The following RABGAP1L variants were observed in gnomAD, a reference collection of about 807,000 sequenced individuals.
The protein encoded by RABGAP1L is RAB GTPase activating protein 1 like, also known as rab GTPase-activating protein 1-like.
A neutral mutation model predicts 137.7 loss-of-function variants in RABGAP1L; 63 were observed. That is an observed-to-expected ratio of 0.46 (90% confidence interval 0.37 to 0.56). The LOEUF is 0.56. RABGAP1L is among the 20% of genes least tolerant of loss of function. The pLI is 0.00. For missense variants in RABGAP1L, 1,095 were observed against 1,244.0 expected, an observed-to-expected ratio of 0.88 and a Z score of 1.80; for synonymous variants, 431 against 433.7, an observed-to-expected ratio of 0.99 and a Z score of 0.08.
chr1:174,973,805 G>GT (rs1445290569), intron 21 of RABGAP1L, among the ~76,000 whole-genome samples: 2 of 152,062 alleles, frequency 1.3e-5, no homozygotes, highest in Non-Finnish European at 2.9e-5. Flanking sequence ...GGATCAGTCT[G>GT]TTCACAAAGT....
intron 19 of RABGAP1L, among the ~76,000 whole-genome samples, chr1:174,899,226 C>CA (rs1037661229): frequency 4.0e-4 from 61 of 151,552 alleles, no homozygotes; most frequent in Admixed American, 1.8e-3. Context: ...ACCGAGCAGA[C>CA]AAAAAAAATG....
chr1:174,790,857 A>G (rs1016038836), intron 18 of RABGAP1L, among the ~76,000 whole-genome samples: 1 of 151,678 alleles, frequency 6.6e-6, no homozygotes, highest in South Asian at 2.1e-4. Flanking sequence ...GCAATCTATT[A>G]CCACCTTTGT....
chr1:174,631,315 A>C (rs1056123374), intron 13 of RABGAP1L, among the ~76,000 whole-genome samples: 5 of 138,882 alleles, frequency 3.6e-5, no homozygotes, highest in East Asian at 2.0e-4. Flanking sequence ...ACTTCCAACT[A>C]TGTGGTCAAT....
chr1:174,596,282 C>G (rs1281989986), intron 13 of RABGAP1L, among the ~76,000 whole-genome samples: 3 of 150,922 alleles, frequency 2.0e-5, no homozygotes, highest in Admixed American at 1.3e-4. Context: ...AACCCGGTAC[C>G]TCAGATGGAA....
intron 11 of RABGAP1L, among the ~76,000 whole-genome samples, chr1:174,351,568 C>G (rs1431047866): frequency 4.6e-5 from 7 of 151,812 alleles, no homozygotes; most frequent in Admixed American, 4.6e-4. Context: ...TATGTTGTTT[C>G]TTTATTCCTG....
At chr1:174,208,966 A>G (rs1668684114) in intron 1 of RABGAP1L, among the ~76,000 whole-genome samples, 1 of 152,192 alleles carries the variant, frequency 6.6e-6, no homozygotes, top group Non-Finnish European at 1.5e-5. Flanking sequence ...TTTTTGGCAC[A>G]GGGGACCAGT....
rs1174848074 is a variant in RABGAP1L at position 174,732,199 on chromosome 1, C to CA, written c.2170-20114_2170-20113insA. ...GGCGACAGAGTGAGACCCCATCCCC[C>CA]CCAAAAAAAAAAAACATGGATTGTT... On this transcript the variant is annotated intron_variant, in intron 17 of 25. Coordinates refer to ENST00000681986, the MANE Select transcript of RABGAP1L (RefSeq NM_001366446.1). Among the ~76,000 whole-genome samples the CA allele has an allele frequency of 3.5e-4, 35 of 100,060 alleles. 1 individual carries two copies. The South Asian group carries it at 0.01, about 29-fold the overall frequency. 65.6% of individuals were successfully genotyped at this position (100,060 alleles called of 152,430 possible). A position where few individuals can be genotyped will look rare whatever the true frequency, so the allele number is the denominator to read the frequency against.
At chr1:174,279,253 TTAAA>T (rs796162519) in intron 10 of RABGAP1L, among the ~76,000 whole-genome samples, 143 of 152,288 alleles carry the variant, frequency 9.4e-4, no homozygotes, top group African/African-American at 3.1e-3. Flanking sequence ...TATTTTAATA[TTAAA>T]TGAACAAAAT....
At chr1:174,384,545 T>G (rs1686575475) in intron 12 of RABGAP1L, among the ~76,000 whole-genome samples, 1 of 152,008 alleles carries the variant, frequency 6.6e-6, no homozygotes, top group African/African-American at 2.4e-5. Context: ...AAAAGAAATT[T>G]ATGTCTTATA....
intron 17 of RABGAP1L, among the ~76,000 whole-genome samples, chr1:174,732,443 A>C (rs1168409620): frequency 6.6e-6 from 1 of 152,166 alleles, no homozygotes; most frequent in Non-Finnish European, 1.5e-5. Context: ...ATGCTACAGA[A>C]TTCTGTCTAG....
At chr1:174,361,231 T>G (rs974796272) in intron 11 of RABGAP1L, among the ~76,000 whole-genome samples, 3 of 151,928 alleles carry the variant, frequency 2.0e-5, no homozygotes, top group African/African-American at 2.4e-5. Context: ...TTTTGTTTTT[T>G]TTTTTTTTTG....
intron 13 of RABGAP1L, among the ~76,000 whole-genome samples, chr1:174,632,303 C>T (rs1031639691): frequency 1.3e-5 from 2 of 149,282 alleles, no homozygotes; most frequent in East Asian, 3.9e-4. Context: ...GTAACCCGAC[C>T]TTTCTCTCTG....
intron 19 of RABGAP1L, among the ~76,000 whole-genome samples, chr1:174,934,757 C>T (rs143189270): frequency 2.1e-3 from 324 of 152,238 alleles, no homozygotes; most frequent in Non-Finnish European, 2.6e-3. Context: ...TACCACTGCA[C>T]GCCAGCCTAG....
chr1:174,247,460 G>T (rs1353012776), intron 5 of RABGAP1L, among the ~76,000 whole-genome samples: 1 of 152,186 alleles, frequency 6.6e-6, no homozygotes, highest in East Asian at 1.9e-4. Flanking sequence ...AGGGATCCTT[G>T]GGAAATTTTC....
intron 13 of RABGAP1L, among the ~76,000 whole-genome samples, chr1:174,514,747 T>C (rs1662663508): frequency 6.6e-6 from 1 of 152,200 alleles, no homozygotes; most frequent in South Asian, 2.1e-4. Context: ...CACCACACTC[T>C]TTTTAATCAC....
chr1:174,508,627 G>C (rs1662049179), intron 13 of RABGAP1L, among the ~76,000 whole-genome samples: 1 of 152,088 alleles, frequency 6.6e-6, no homozygotes, highest in Non-Finnish European at 1.5e-5. Context: ...TTTTCTCCTG[G>C]AAGTGCTAGA....
chr1:174,927,198 T>C (rs748792664), intron 19 of RABGAP1L, among the ~76,000 whole-genome samples: 2 of 152,232 alleles, frequency 1.3e-5, no homozygotes, highest in African/African-American at 2.4e-5. Flanking sequence ...ATTGATCATT[T>C]ATGTTGGGTT....
At chr1:174,687,347 C>G (rs1472628720) in intron 15 of RABGAP1L, among the ~76,000 whole-genome samples, 1 of 152,134 alleles carries the variant, frequency 6.6e-6, no homozygotes, top group East Asian at 1.9e-4. Flanking sequence ...TAGAATTATT[C>G]AGTGTTGTCA....
intron 17 of RABGAP1L, among the ~76,000 whole-genome samples, chr1:174,728,111 C>T (rs1572947357): frequency 6.6e-6 from 1 of 152,118 alleles, no homozygotes; most frequent in East Asian, 1.9e-4. Context: ...ATTTATTGTC[C>T]AAGCATTATG....
Sources: gnomAD v4.1 joint callset for allele counts (sites outside exome capture counted in the v4.1 genomes callset) on GRCh38, gnomAD v4.1.1 for gene constraint, MANE v1.5 for transcripts, NCBI Gene and HGNC (gene_info 2026-07-23, HGNC 2026-07-21) for gene names.